The following SQLE variants were observed in gnomAD, a reference collection of about 807,000 sequenced individuals.
The protein encoded by SQLE is squalene monooxygenase.
SQLE carries 29 observed loss-of-function variants against 60.7 expected under a neutral mutation model. The ratio of observed to expected loss-of-function variants is 0.48; its 90% CI spans 0.36 to 0.65. The LOEUF (loss-of-function observed/expected upper bound fraction) is 0.65, where lower values mean the gene tolerates loss of function less well. Among genes scored for constraint, SQLE ranks in the 30% least tolerant of loss-of-function variants. The probability of loss-of-function intolerance (pLI) is 0.00; values close to 1 mark genes in which losing one functional copy is unlikely to be tolerated. For synonymous variants in SQLE, 237 were observed against 246.8 expected (o/e 0.96, Z 0.37); for missense variants, 605 against 684.1 (o/e 0.88, Z 1.29).
chr8:124,998,793 T>G lies in SQLE; in HGVS notation c.-611T>G, dbSNP rs890232444. 9.8e-5 allele frequency: 48 copies of G among 490,934 alleles called. No individual in the cohort carries two copies. The East Asian group carries it at 1.7e-3, about 17-fold the overall frequency. 30.4% of individuals were successfully genotyped at this position (490,934 alleles called of 1,614,324 possible). A position where few individuals can be genotyped will look rare whatever the true frequency, so the allele number is the denominator to read the frequency against. ...TCTTGAGTCCGAGGCCATCTTTTGT[T>G]GGAGAAGGCGTCGGCGTTGGCGTTT... On this transcript the variant is annotated 5_prime_UTR_variant, in exon 1 of 11. Transcript: ENST00000265896.
chr8:125,013,467 C>T (rs1815069222), intron 7 of SQLE, among the ~76,000 whole-genome samples: 1 of 151,778 alleles, frequency 6.6e-6, no homozygotes, highest in African/African-American at 2.4e-5. Context: ...ATTCTCCTGC[C>T]TCAGCCTCCC....
At chr8:125,015,838 C>A (rs1285676594) in intron 7 of SQLE, among the ~76,000 whole-genome samples, 1 of 152,136 alleles carries the variant, frequency 6.6e-6, no homozygotes. Context: ...CTTTATTTCT[C>A]CTTCATGTTT....
chr8:125,002,553 T>C (rs1814871959), intron 1 of SQLE, among the ~76,000 whole-genome samples: 1 of 152,126 alleles, frequency 6.6e-6, no homozygotes, highest in African/African-American at 2.4e-5. Flanking sequence ...TGCACATGCC[T>C]ATAATCCCAG....
intron 7 of SQLE, among the ~76,000 whole-genome samples, chr8:125,013,775 G>T (rs970488082): frequency 3.3e-5 from 5 of 152,160 alleles, no homozygotes; most frequent in African/African-American, 1.2e-4. Context: ...ATTTGTTTGT[G>T]TGTGGATATT....
intron 7 of SQLE, among the ~76,000 whole-genome samples, chr8:125,013,356 CTT>C (rs1554588049): frequency 6.6e-5 from 9 of 136,410 alleles, no homozygotes; most frequent in African/African-American, 1.1e-4. Context: ...TTTTCTTTTT[CTT>C]TTTTTTTTTT....
intron 7 of SQLE, among the ~76,000 whole-genome samples, chr8:125,014,547 A>G (rs1815082496): frequency 6.6e-6 from 1 of 152,220 alleles, no homozygotes. Flanking sequence ...ACTTACTGCT[A>G]AAAACTTTCC....
In SQLE at chr8:125,021,644, TAAAA is replaced by T. The variant is rs961508369; in HGVS notation, c.1533-104_1533-101del. 4 of 747,206 alleles carry T rather than the reference TAAAA, an allele frequency of 5.4e-6. No individual in the cohort carries two copies. In the African/African-American group the frequency reaches 7.1e-5, roughly 13 times the overall value. 46.3% of individuals were successfully genotyped at this position (747,206 alleles called of 1,614,324 possible). On this transcript the variant is annotated intron_variant, in intron 10 of 10. Transcript: ENST00000265896. ...TTCATACAGAATTATGATGCTTGGG[TAAAA>T]AAAAGTAGGATGTTTGTTGAGCTTC...
Position 124,999,658 on chromosome 8 carries a change from T to G in SQLE, c.255T>G (p.Pro85=). The G allele has an allele frequency of 6.2e-7, 1 of 1,607,458 alleles. No individual in the cohort carries two copies. Among genetic ancestry groups the G allele is most frequent in the East Asian group, 2.2e-5 (1 of 44,724 alleles). The change falls in exon 1 of 11, where the codon CCT becomes CCG. Residue 85 remains proline (P), a synonymous_variant. Transcript: ENST00000265896. The part of the protein sequence containing the change: ...FIGFFWAKSP[P]ESENKEQLEA... ...GCTTCTTCTGGGCCAAATCCCCCCC[T>G]GAATCAGAAAATAAGGAGCAGCTCG... is the stretch of plus-strand genomic sequence containing the variant.
In SQLE at chr8:125,003,308, C is replaced by T. The variant is rs374652312; in HGVS notation, c.424C>T (p.Leu142Phe). ...GVLGSALAAV[L>F]SRDGRKVTVI... ...GCTTGGCTCTGCTTTGGCAGCTGTG[C>T]TTTCCAGAGATGGAAGAAAGGTGAC... Residue 142 changes from leucine to phenylalanine, a missense_variant, in exon 2 of 11, where the codon CTT becomes TTT. By Grantham distance (22) the Leu-to-Phe change is conservative. Transcript: ENST00000265896. 8 of 1,613,896 alleles carry T rather than the reference C, an allele frequency of 5.0e-6. No individual in the cohort carries two copies. The highest frequency in any genetic ancestry group is 6.8e-6 in the Non-Finnish European group (8 of 1,179,902).
chr8:125,005,696 C>G lies in SQLE; in HGVS notation c.716C>G (p.Ala239Gly), dbSNP rs1165180008. Reference protein sequence around the residue: ...FIMSLRKAAMAEPNAKFIEGV... With the variant: ...FIMSLRKAAMGEPNAKFIEGV... ...ATGAGTCTCCGGAAAGCAGCTATGG[C>G]AGAGCCCAAGTAAGACCACAGTTTC... Residue 239 changes from alanine (A) to glycine (G), a missense_variant, in exon 3 of 11, where the codon GCA becomes GGA. Ala to Gly is a moderately conservative substitution (Grantham distance 60). Coordinates refer to ENST00000265896, the MANE Select transcript of SQLE (RefSeq NM_003129.4). 6.3e-7 allele frequency: 1 copy of G among 1,587,744 alleles called. No homozygotes were observed. Among genetic ancestry groups the G allele is most frequent in the African/African-American group, 1.3e-5 (1 of 74,326 alleles).
At chr8:125,003,897 G>A (rs1814905900) in intron 2 of SQLE, among the ~76,000 whole-genome samples, 1 of 151,026 alleles carries the variant, frequency 6.6e-6, no homozygotes. Context: ...GTGGTGGGGT[G>A]GGGTGGGGTG....
chr8:125,010,226 G>A (rs1340120942), intron 6 of SQLE, among the ~76,000 whole-genome samples: 1 of 152,166 alleles, frequency 6.6e-6, no homozygotes, highest in Non-Finnish European at 1.5e-5. Flanking sequence ...AGAATTGTAA[G>A]GGATCTTCAG....
At position 125,013,845 on chromosome 8, in the gene SQLE, C is replaced by T. The variant is rs1036220030; in HGVS notation, c.1204+2213C>T. On this transcript the variant is annotated intron_variant, in intron 7 of 10. Coordinates refer to ENST00000265896, the MANE Select transcript of SQLE (RefSeq NM_003129.4). ...TTGTTCCCCAGTGAATTTTCTTGCC[C>T]TTGTGGTCAAAATTCCCTTGACTGA... 4.6e-5 allele frequency among the ~76,000 whole-genome samples: 7 copies of T among 152,228 alleles called. No individual in the cohort carries two copies. In the East Asian group the frequency reaches 1.3e-3, roughly 29 times the overall value.
chr8:125,011,576 C>G lies in SQLE; in HGVS notation c.1148C>G (p.Ser383Cys), dbSNP rs1434802767. ...CCATTCTTAGAAGCCACTGACAATT[C>G]TCATCTGAGGTCCATGCCAGCAAGC... ...KEPFLEATDN[S>C]HLRSMPASFL... Residue 383 changes from serine (S) to cysteine (C), a missense_variant, in exon 7 of 11, where the codon TCT becomes TGT. By Grantham distance (112) the Ser-to-Cys change is moderately radical. Coordinates refer to ENST00000265896, the MANE Select transcript of SQLE (RefSeq NM_003129.4). 6.3e-7 allele frequency: 1 copy of G among 1,588,386 alleles called. No homozygotes were observed. Among genetic ancestry groups the G allele is most frequent in the African/African-American group, 1.3e-5 (1 of 74,698 alleles).
In SQLE at chr8:125,007,592, T is replaced by C. The variant is rs528861324; in HGVS notation, c.822+105T>C. ...CTTACCGGTTTACATGTTGAGTATC[T>C]CTTATCTGAAATGCTAGGGATCAGA... On this transcript the variant is annotated intron_variant, in intron 4 of 10. Coordinates refer to ENST00000265896, the MANE Select transcript of SQLE (RefSeq NM_003129.4). 9 of 661,586 alleles carry C rather than the reference T, an allele frequency of 1.4e-5. No homozygotes were observed. The Admixed American group carries it at 1.9e-4, about 14-fold the overall frequency. 41.0% of individuals were successfully genotyped at this position (661,586 alleles called of 1,614,324 possible).
rs1421222014 is a variant in SQLE at position 124,998,641 on chromosome 8, AG to A, written c.-760del. The A allele has an allele frequency of 4.4e-6, 3 of 677,754 alleles. No homozygotes were observed. Among genetic ancestry groups the A allele is most frequent in the Non-Finnish European group, 8.0e-6 (3 of 373,112 alleles). 42.0% of individuals were successfully genotyped at this position (677,754 alleles called of 1,614,324 possible). A position where few individuals can be genotyped will look rare whatever the true frequency, so the allele number is the denominator to read the frequency against. On this transcript the variant is annotated 5_prime_UTR_variant, in exon 1 of 11. Transcript: ENST00000265896. ...CGTCGGGAGCCGCCGCCGCCATCTG[AG>A]GGAGGTACCCTGGAAACCACCTTTT...
Position 124,998,744 on chromosome 8 carries a change from GGCTGCATTGCCCTGGA to G in SQLE, c.-657_-642del, listed in dbSNP as rs1156758916. The G allele has an allele frequency of 9.0e-6, 5 of 555,282 alleles. No individual in the cohort carries two copies. Among genetic ancestry groups the G allele is most frequent in the Non-Finnish European group, 1.6e-5 (5 of 310,690 alleles). The allele number at this position is 555,282 out of a possible 1,614,324, so 34.4% of individuals were successfully genotyped here. On this transcript the variant is annotated 5_prime_UTR_variant, in exon 1 of 11. Transcript: ENST00000265896. ...GGAGGCCTCTAAATCTTTAGGTTGG[GGCTGCATTGCCCTGGA>G]GCCGCACTCTTGAGTCCGAGGCCAT...
chr8:125,019,867 AC>A (rs60204701), intron 9 of SQLE, among the ~76,000 whole-genome samples: 21,180 of 140,928 alleles, frequency 0.15, 1,816 homozygotes, highest in South Asian at 0.32. Flanking sequence ...AGGAAAAAAA[AC>A]AAAACAAAAA....
Position 125,007,357 on chromosome 8 carries a change from CT to C in SQLE, c.726-33del. ...ATTTAATTTAAATTGCTGAAATGTG[CT>C]GCTTTAGAAATGTATTTTTTTTTAT... On this transcript the variant is annotated intron_variant, in intron 3 of 10. Transcript: ENST00000265896. 3 of 1,436,686 alleles carry C rather than the reference CT, an allele frequency of 2.1e-6. No homozygotes were observed. In the South Asian group the frequency reaches 4.0e-5, roughly 19 times the overall value. 89.0% of individuals were successfully genotyped at this position (1,436,686 alleles called of 1,614,324 possible). A position where few individuals can be genotyped will look rare whatever the true frequency, so the allele number is the denominator to read the frequency against.
Sources: gnomAD v4.1 joint callset for allele counts (sites outside exome capture counted in the v4.1 genomes callset) on GRCh38, gnomAD v4.1.1 for gene constraint, MANE v1.5 for transcripts, NCBI Gene and HGNC (gene_info 2026-07-23, HGNC 2026-07-21) for gene names.